STX8: variants seen among roughly 807,000 people sequenced by gnomAD.
STX8 encodes syntaxin-8.
A neutral mutation model predicts 37.5 loss-of-function variants in STX8; 23 were observed. The ratio of observed to expected loss-of-function variants is 0.61; its 90% CI spans 0.44 to 0.87. The LOEUF (loss-of-function observed/expected upper bound fraction) is 0.87. Ranked by LOEUF, STX8 falls within the 40% of genes least tolerant of loss-of-function variation. The pLI is 0.00. For missense variants in STX8, 313 were observed against 284.7 expected, an observed-to-expected ratio of 1.10 and a Z score of -0.71; for synonymous variants, 115 against 99.1, an observed-to-expected ratio of 1.16 and a Z score of -0.95.
At chr17:9,283,971 A>G (rs1335152387) in intron 7 of STX8, among the ~76,000 whole-genome samples, 1 of 152,214 alleles carries the variant, frequency 6.6e-6, no homozygotes, top group Non-Finnish European at 1.5e-5. Flanking sequence ...TTTTGAGAAT[A>G]CTGAAGCCTT....
chr17:9,264,846 G>A (rs1022814150), intron 7 of STX8, among the ~76,000 whole-genome samples: 1 of 152,138 alleles, frequency 6.6e-6, no homozygotes, highest in Admixed American at 6.5e-5. Context: ...AGGTGCAGTG[G>A]CTCACGCCTG....
chr17:9,533,632 G>A (rs1421184594), intron 4 of STX8, among the ~76,000 whole-genome samples: 2 of 152,078 alleles, frequency 1.3e-5, no homozygotes, highest in African/African-American at 2.4e-5. Context: ...AACCCAAAAG[G>A]CCAGCGAGTG....
intron 6 of STX8, among the ~76,000 whole-genome samples, chr17:9,489,814 G>A (rs191271372): frequency 2.5e-4 from 37 of 148,978 alleles, no homozygotes; most frequent in Admixed American, 1.4e-3. Flanking sequence ...TCAGCCTCCC[G>A]CGTAGCTGGG....
At chr17:9,305,736 A>ACCTTT (rs1908960419) in intron 7 of STX8, 104 of 114,820 alleles carry the variant, frequency 9.1e-4, no homozygotes, top group African/African-American at 4.5e-3. Context: ...ATACAGGTGC[A>ACCTTT]TCTTTTTTTT....
intron 3 of STX8, among the ~76,000 whole-genome samples, chr17:9,551,362 T>G (rs1906754260): frequency 6.6e-6 from 1 of 152,178 alleles, no homozygotes; most frequent in African/African-American, 2.4e-5. Flanking sequence ...GACATAACCA[T>G]CATGCATGAT....
intron 6 of STX8, among the ~76,000 whole-genome samples, chr17:9,428,099 G>A (rs896685802): frequency 6.6e-6 from 1 of 152,140 alleles, no homozygotes; most frequent in Non-Finnish European, 1.5e-5. Context: ...GTTAGAGAAG[G>A]CCCTTTCCAA....
chr17:9,329,115 A>T (rs1909880099), intron 7 of STX8, among the ~76,000 whole-genome samples: 1 of 148,326 alleles, frequency 6.7e-6, no homozygotes, highest in South Asian at 2.2e-4. Context: ...GAATTCCCAG[A>T]GCATAATGGG....
chr17:9,463,908 CAA>C (rs11369850), intron 6 of STX8, among the ~76,000 whole-genome samples: 5 of 135,302 alleles, frequency 3.7e-5, no homozygotes, highest in Admixed American at 1.5e-4. Context: ...AACTCCATCT[CAA>C]AAAAAAAAAA....
chr17:9,411,978 GC>G (rs1912994855), intron 6 of STX8, among the ~76,000 whole-genome samples: 1 of 152,076 alleles, frequency 6.6e-6, no homozygotes, highest in South Asian at 2.1e-4. Flanking sequence ...GTATAGACAA[GC>G]TATAAAAGAA....
chr17:9,535,650 T>A (rs372012633), intron 4 of STX8, among the ~76,000 whole-genome samples: 2 of 152,046 alleles, frequency 1.3e-5, no homozygotes, highest in East Asian at 3.9e-4. Context: ...GCCAGGATGG[T>A]CTCAATCTCC....
chr17:9,302,385 T>C (rs1036696625), intron 7 of STX8, among the ~76,000 whole-genome samples: 1 of 152,224 alleles, frequency 6.6e-6, no homozygotes, highest in African/African-American at 2.4e-5. Flanking sequence ...CTACTGTTTA[T>C]ATGCTTTCAA....
intron 7 of STX8, among the ~76,000 whole-genome samples, chr17:9,365,874 G>A (rs1288494767): frequency 6.6e-6 from 1 of 152,236 alleles, no homozygotes; most frequent in African/African-American, 2.4e-5. Context: ...TCAGGAGGCT[G>A]AGGCAGGAGA....
chr17:9,356,449 T>C (rs1043640141), intron 7 of STX8, among the ~76,000 whole-genome samples: 10 of 152,208 alleles, frequency 6.6e-5, no homozygotes, highest in African/African-American at 2.4e-4. Flanking sequence ...GGTGCCCATG[T>C]AAGCTGCCTA....
intron 6 of STX8, among the ~76,000 whole-genome samples, chr17:9,402,387 C>T (rs1756753908): frequency 6.6e-6 from 1 of 152,126 alleles, no homozygotes; most frequent in African/African-American, 2.4e-5. Context: ...TCCCAAAGTG[C>T]TGGGATTACA....
intron 6 of STX8, among the ~76,000 whole-genome samples, chr17:9,408,144 A>G (rs946269196): frequency 6.6e-6 from 1 of 152,204 alleles, no homozygotes; most frequent in Non-Finnish European, 1.5e-5. Flanking sequence ...TTTATGATTT[A>G]TGGGGCATGA....
rs1318539431 is a variant in STX8 at position 9,414,952 on chromosome 17, A to AC, written c.542-36300_542-36299insG. ...ATTACAGGCACCCGCCACCATGCCC[A>AC]GCTAATTTTTGTATTTTTAGTAGAG... On this transcript the variant is annotated intron_variant, in intron 6 of 7. Coordinates refer to ENST00000306357, the MANE Select transcript of STX8 (RefSeq NM_004853.3). Among the ~76,000 whole-genome samples, 233 of 151,792 alleles carry AC rather than the reference A, an allele frequency of 1.5e-3. 2 individuals are homozygous for AC. The highest frequency in any genetic ancestry group is 4.9e-3 in the African/African-American group (202 of 41,408).
intron 7 of STX8, among the ~76,000 whole-genome samples, chr17:9,263,194 C>T (rs148436677): frequency 2.0e-3 from 299 of 150,138 alleles, no homozygotes; most frequent in Admixed American, 5.2e-3. Flanking sequence ...CAAAAAGGGA[C>T]GGGTGCGTGC....
intron 4 of STX8, among the ~76,000 whole-genome samples, chr17:9,517,951 T>C (rs1053913036): frequency 3.9e-5 from 6 of 152,140 alleles, no homozygotes; most frequent in Non-Finnish European, 8.8e-5. Context: ...ACATGTGTGA[T>C]GTAAGAGTGG....
Position 9,348,407 on chromosome 17 carries a change from G to A in STX8, c.643+30145C>T, listed in dbSNP as rs1389200289. Among the ~76,000 whole-genome samples, 7 of 100,782 alleles carry A rather than the reference G, an allele frequency of 6.9e-5. No homozygotes were observed. The Admixed American group carries it at 8.4e-4, about 12-fold the overall frequency. 66.1% of individuals were successfully genotyped at this position (100,782 alleles called of 152,430 possible). A position where few individuals can be genotyped will look rare whatever the true frequency, so the allele number is the denominator to read the frequency against. On this transcript the variant is annotated intron_variant, in intron 7 of 7. Transcript: ENST00000306357. ...CACTCCAGCCTGGGCAACAGAGCAAGACTCTGTCTCAAAAAAAAAAAAAAA... is the reference window on the plus strand; with the variant it reads ...CACTCCAGCCTGGGCAACAGAGCAAAACTCTGTCTCAAAAAAAAAAAAAAA...
Sources: gnomAD v4.1 joint callset for allele counts (sites outside exome capture counted in the v4.1 genomes callset) on GRCh38, gnomAD v4.1.1 for gene constraint, MANE v1.5 for transcripts, NCBI Gene and HGNC (gene_info 2026-07-23, HGNC 2026-07-21) for gene names.